The following PCDHA1 variants were observed in gnomAD, a reference collection of about 807,000 sequenced individuals.
The protein encoded by PCDHA1 is protocadherin alpha-1.
Under a neutral mutation model 61.3 loss-of-function variants are expected in PCDHA1, and 42 were observed. That is an observed-to-expected ratio of 0.69 (90% CI 0.54 to 0.89). PCDHA1 has a LOEUF of 0.89. PCDHA1 is among the 40% of genes least tolerant of loss of function. The pLI is 0.00. For missense variants in PCDHA1, 1,256 were observed against 1,235.3 expected, an observed-to-expected ratio of 1.02 and a Z score of -0.25; for synonymous variants, 610 against 553.8, an observed-to-expected ratio of 1.10 and a Z score of -1.43.
At chr5:140,927,652 C>T (rs868980158) in intron 1 of PCDHA1, 28 of 1,614,054 alleles carry the variant, frequency 1.7e-5, no homozygotes, top group African/African-American at 9.3e-5. Flanking sequence ...TGTGTTATTC[C>T]GAGTTCAAGC....
chr5:140,789,577 C>T (rs1201838630), intron 1 of PCDHA1, among the ~76,000 whole-genome samples: 2 of 152,068 alleles, frequency 1.3e-5, no homozygotes, highest in African/African-American at 4.8e-5. Context: ...TGAACAATTT[C>T]CTGATGCCAT....
intron 1 of PCDHA1, among the ~76,000 whole-genome samples, chr5:140,838,898 G>A (rs1024702738): frequency 6.6e-6 from 1 of 151,748 alleles, no homozygotes; most frequent in Non-Finnish European, 1.5e-5. Context: ...CTAGGTGACA[G>A]AGCAATACCT....
chr5:140,954,017 T>C (rs2094968085), intron 1 of PCDHA1, among the ~76,000 whole-genome samples: 1 of 152,162 alleles, frequency 6.6e-6, no homozygotes, highest in Admixed American at 6.5e-5. Flanking sequence ...CTCCCACACA[T>C]AGTGGGACGA....
intron 1 of PCDHA1, among the ~76,000 whole-genome samples, chr5:140,970,970 T>C (rs1554232920): frequency 1.3e-5 from 2 of 152,170 alleles, no homozygotes; most frequent in African/African-American, 2.4e-5. Flanking sequence ...GATTGTAGAT[T>C]AAGAAAAATG....
intron 1 of PCDHA1, among the ~76,000 whole-genome samples, chr5:140,820,072 C>G (rs1044773695): frequency 1.3e-5 from 2 of 151,950 alleles, no homozygotes; most frequent in Non-Finnish European, 2.9e-5. Context: ...CTAACATCAG[C>G]TAATGCTGTT....
At position 140,872,763 on chromosome 5, in the gene PCDHA1, G is replaced by T. The variant is rs560485194; in HGVS notation, c.2394+84079G>T. The stretch of plus-strand genomic sequence containing the variant: ...AACTTGCTAAAGACATGCATATAGG[G>T]CTATATTATCTATAATATATGCTAG... On this transcript the variant is annotated intron_variant, in intron 1 of 3. Transcript: ENST00000504120. Among the ~76,000 whole-genome samples, 293 of 152,126 alleles carry T rather than the reference G, an allele frequency of 1.9e-3. 2 individuals are homozygous for T. The highest frequency in any genetic ancestry group is 3.6e-3 in the Non-Finnish European group (245 of 67,974).
In PCDHA1 at chr5:140,802,660, C is replaced by T. The variant is rs139431952; in HGVS notation, c.2394+13976C>T. ...CGGGACGCGGACGCGCAGGAGAACG[C>T]CCTGGTGTCCTACTCGCTGGTGGAA... On this transcript the variant is annotated intron_variant, in intron 1 of 3. Coordinates refer to ENST00000504120, the MANE Select transcript of PCDHA1 (RefSeq NM_018900.4). 9 of 1,613,442 alleles carry T rather than the reference C, an allele frequency of 5.6e-6. No individual in the cohort carries two copies. In the African/African-American group the frequency reaches 6.7e-5, roughly 12 times the overall value.
At chr5:140,975,675 T>C (rs1047804393) in intron 1 of PCDHA1, among the ~76,000 whole-genome samples, 3 of 152,240 alleles carry the variant, frequency 2.0e-5, no homozygotes, top group Non-Finnish European at 2.9e-5. Context: ...AGTTTATTAA[T>C]AAAATAGGGT....
At chr5:140,855,829 C>T in intron 1 of PCDHA1, 1 of 560,296 alleles carries the variant, frequency 1.8e-6, no homozygotes. Flanking sequence ...CTCATGGAAT[C>T]GTACTTACAC....
chr5:140,830,499 C>A (rs2150187273), intron 1 of PCDHA1: 4 of 1,454,248 alleles, frequency 2.8e-6, no homozygotes, highest in Non-Finnish European at 3.7e-6. Flanking sequence ...AGTGAATTTT[C>A]ATAATTAACA....
chr5:140,796,596 T>C, intron 1 of PCDHA1: 1 of 1,611,696 alleles, frequency 6.2e-7, no homozygotes, highest in Non-Finnish European at 8.5e-7. Context: ...GCGTGCCGCC[T>C]CTGGGCAGCA....
chr5:140,927,225 G>A, intron 1 of PCDHA1: 2 of 1,614,112 alleles, frequency 1.2e-6, no homozygotes, highest in South Asian at 2.2e-5. Context: ...ACAAGATTCG[G>A]ATTCACGTCC....
At chr5:140,851,413 C>A in intron 1 of PCDHA1, 1 of 961,744 alleles carries the variant, frequency 1.0e-6, no homozygotes, top group Non-Finnish European at 1.3e-6. Flanking sequence ...AAGAAAGAAA[C>A]TTCCCCTAAA....
chr5:140,942,608 T>G (rs1221656316), intron 1 of PCDHA1, among the ~76,000 whole-genome samples: 3 of 114,466 alleles, frequency 2.6e-5, no homozygotes, highest in Non-Finnish European at 5.4e-5. Context: ...AGTGTTTATA[T>G]TTGCCAATTG....
At chr5:140,857,399 G>C (rs375062704) in intron 1 of PCDHA1, 4 of 1,598,394 alleles carry the variant, frequency 2.5e-6, no homozygotes, top group Admixed American at 3.4e-5. Flanking sequence ...GAACGACAAC[G>C]CGCCTGCGTT....
At chr5:140,864,698 T>A (rs2048569561) in intron 1 of PCDHA1, 1 of 152,250 alleles carries the variant, frequency 6.6e-6, no homozygotes, top group African/African-American at 2.4e-5. Flanking sequence ...CCAGTTTAAG[T>A]TGTTGAGCTC....
chr5:140,971,203 T>A (rs1586466173), intron 1 of PCDHA1, among the ~76,000 whole-genome samples: 2 of 152,308 alleles, frequency 1.3e-5, no homozygotes, highest in Middle Eastern at 6.8e-3. Context: ...GGAAAGACAC[T>A]GTTACCCTCC....
At chr5:140,864,213 C>T (rs1389443344) in intron 1 of PCDHA1, 1 of 152,256 alleles carries the variant, frequency 6.6e-6, no homozygotes, top group East Asian at 1.9e-4. Context: ...CAAATCTTCT[C>T]AATTTTGAAG....
chr5:140,943,491 G>A (rs1387185924), intron 1 of PCDHA1, among the ~76,000 whole-genome samples: 4 of 151,986 alleles, frequency 2.6e-5, no homozygotes, highest in Non-Finnish European at 5.9e-5. Context: ...ATAAATAGAT[G>A]CTATCAAGGT....
Sources: allele counts gnomAD v4.1 joint callset (sites outside exome capture counted in the v4.1 genomes callset), GRCh38; gene constraint gnomAD v4.1.1; transcripts MANE v1.5; gene names NCBI Gene and HGNC (gene_info 2026-07-23, HGNC 2026-07-21).